CPM: variants seen among roughly 807,000 people sequenced by gnomAD.
CPM encodes renal carboxypeptidase.
A neutral mutation model predicts 46.4 loss-of-function variants in CPM; 35 were observed. The ratio of observed to expected loss-of-function variants is 0.75; its 90% confidence interval spans 0.58 to 1.00. The LOEUF is 1.00. CPM is among the 50% of genes least tolerant of loss of function. The pLI is 0.00. For synonymous variants in CPM, 195 were observed against 195.3 expected, an observed-to-expected ratio of 1.00 and a Z score of 0.01; for missense variants, 422 against 530.4, an observed-to-expected ratio of 0.80 and a Z score of 2.01.
At chr12:68,904,880 C>T (rs1592680253) in intron 2 of CPM, among the ~76,000 whole-genome samples, 2 of 152,264 alleles carry the variant, frequency 1.3e-5, no homozygotes, top group East Asian at 3.9e-4. Context: ...CCAGGTCTGG[C>T]ATTTTTAAAC....
chr12:68,902,263 A>T (rs1418863543), intron 2 of CPM, among the ~76,000 whole-genome samples: 1 of 152,204 alleles, frequency 6.6e-6, no homozygotes, highest in Non-Finnish European at 1.5e-5. Context: ...ACCATGTGAA[A>T]TTTGCTGTAC....
chr12:68,907,809 G>C (rs1416848924), intron 2 of CPM, among the ~76,000 whole-genome samples: 1 of 146,474 alleles, frequency 6.8e-6, no homozygotes, highest in South Asian at 2.2e-4. Flanking sequence ...TTAATCCAGG[G>C]CTGGGTTGGT....
intron 7 of CPM, among the ~76,000 whole-genome samples, chr12:68,865,941 C>T (rs1464052137): frequency 2.6e-5 from 4 of 152,134 alleles, no homozygotes; most frequent in Non-Finnish European, 5.9e-5. Context: ...TGGGGCCTGG[C>T]AATCTGTTTT....
At chr12:68,873,105 T>C (rs1152929) in intron 3 of CPM, among the ~76,000 whole-genome samples, 6,316 of 152,236 alleles carry the variant, frequency 0.041, 268 homozygotes, top group African/African-American at 0.11. Context: ...GAAGAACAGA[T>C]GTTGTTGAGG....
At chr12:68,950,401 G>A (rs1888915520) in intron 1 of CPM, among the ~76,000 whole-genome samples, 1 of 152,176 alleles carries the variant, frequency 6.6e-6, no homozygotes, top group Non-Finnish European at 1.5e-5. Flanking sequence ...ATTTGTAACA[G>A]TAAAGCAAGT....
At chr12:68,866,508 TA>T (rs1885453936) in intron 7 of CPM, among the ~76,000 whole-genome samples, 1 of 152,184 alleles carries the variant, frequency 6.6e-6, no homozygotes. Context: ...CACGCCTGGC[TA>T]ATTTTTGTAT....
upstream of CPM, among the ~76,000 whole-genome samples, chr12:68,934,482 G>C (rs1332432436): frequency 6.6e-6 from 1 of 152,168 alleles, no homozygotes; most frequent in African/African-American, 2.4e-5. Flanking sequence ...CAGCATAGAA[G>C]AGTGGTTTAA....
In CPM at chr12:68,856,668, AG is replaced by A. The variant is rs1565763610; in HGVS notation, c.1100del (p.Pro367LeufsTer10). 1.2e-6 allele frequency: 2 copies of A among 1,613,864 alleles called. No homozygotes were observed. The highest frequency in any genetic ancestry group is 2.7e-5 in the African/African-American group (2 of 74,902). ...CCTTTGTGATGTGTGGATCATGTCC[AG>A]GGACTGTAACCTGAGAAGAAACAAG... is the stretch of plus-strand genomic sequence containing the variant. Reference protein sequence around the residue: ...PGSYIINVTVPGHDPHITKVI... With the variant: ...PGSYIINVTVXGHDPHITKVI... On this transcript the variant is annotated frameshift_variant, in exon 9 of 9. Coordinates refer to ENST00000551568, the MANE Select transcript of CPM (RefSeq NM_198320.5). LOFTEE classifies it high-confidence loss of function.
intron 2 of CPM, among the ~76,000 whole-genome samples, chr12:68,918,675 T>A (rs1429959788): frequency 6.6e-6 from 1 of 151,548 alleles, no homozygotes; most frequent in Admixed American, 6.6e-5. Context: ...TAGCAAGTAC[T>A]CTTGGTTTTA....
At chr12:68,903,854 C>T (rs911632159) in intron 2 of CPM, among the ~76,000 whole-genome samples, 4 of 151,656 alleles carry the variant, frequency 2.6e-5, no homozygotes, top group Admixed American at 2.0e-4. Context: ...CCCTCCCTCC[C>T]TTCTTCCCTC....
At chr12:68,870,473 T>C in intron 4 of CPM, 74 bp from the exon 5 acceptor site, 1 of 1,343,814 alleles carries the variant, frequency 7.4e-7, no homozygotes, top group South Asian at 1.3e-5. Flanking sequence ...TCTTGCCCTT[T>C]GGTTTAGGCT....
upstream of CPM, chr12:68,963,295 C>T: frequency 5.4e-6 from 1 of 185,120 alleles, no homozygotes. Context: ...GGTTTCCTCA[C>T]TCCATCTGTT....
chr12:68,944,892 G>T (rs1457083387), intron 1 of CPM, among the ~76,000 whole-genome samples: 2 of 147,360 alleles, frequency 1.4e-5, no homozygotes, highest in Non-Finnish European at 2.9e-5. Flanking sequence ...AATCATAGGG[G>T]TGTGGAAAAC....
chr12:68,924,610 A>G (rs1328604891), intron 2 of CPM, among the ~76,000 whole-genome samples: 3 of 152,218 alleles, frequency 2.0e-5, no homozygotes, highest in African/African-American at 7.2e-5. Flanking sequence ...TACTAAACCC[A>G]TATAACTTTA....
intron 1 of CPM, among the ~76,000 whole-genome samples, chr12:68,940,305 T>A (rs1888741161): frequency 6.6e-6 from 1 of 151,976 alleles, no homozygotes; most frequent in Admixed American, 6.6e-5. Context: ...ATTGACACAT[T>A]ATTATTAACT....
downstream of CPM, chr12:68,846,896 G>C (rs960951122): frequency 6.6e-6 from 1 of 151,880 alleles, no homozygotes; most frequent in Non-Finnish European, 1.5e-5. Context: ...ATGAATGGAA[G>C]TTTAATATTC....
At chr12:68,886,421 A>G (rs1886432674) in intron 2 of CPM, among the ~76,000 whole-genome samples, 1 of 152,134 alleles carries the variant, frequency 6.6e-6, no homozygotes, top group Admixed American at 6.5e-5. Context: ...TCACGAGGTC[A>G]GGAGATCGAG....
At chr12:68,923,151 T>C (rs919969420) in intron 2 of CPM, among the ~76,000 whole-genome samples, 6 of 140,848 alleles carry the variant, frequency 4.3e-5, no homozygotes, top group African/African-American at 1.6e-4. Context: ...ATGTTGGTAT[T>C]TGATATAGAG....
intron 2 of CPM, among the ~76,000 whole-genome samples, chr12:68,917,699 A>G (rs1195939550): frequency 6.6e-6 from 1 of 152,206 alleles, no homozygotes; most frequent in Admixed American, 6.5e-5. Flanking sequence ...GTCAAAATAT[A>G]TCAAGACAGT....
Sources: gnomAD v4.1 joint callset for allele counts (sites outside exome capture counted in the v4.1 genomes callset) on GRCh38, gnomAD v4.1.1 for gene constraint, MANE v1.5 for transcripts, NCBI Gene and HGNC (gene_info 2026-07-23, HGNC 2026-07-21) for gene names.